The following SUGCT variants were observed in gnomAD, a reference collection of about 807,000 sequenced individuals.
SUGCT encodes succinyl-CoA:glutarate-CoA transferase, also known as succinyl-CoA:glutarate CoA-transferase.
SUGCT carries 41 observed loss-of-function variants against 55.0 expected under a neutral mutation model. That is an observed-to-expected ratio of 0.74 (90% CI 0.58 to 0.97). The LOEUF (loss-of-function observed/expected upper bound fraction) is 0.97, where lower values mean the gene tolerates loss of function less well. Among genes scored for constraint, SUGCT ranks in the 50% least tolerant of loss-of-function variants. The probability of loss-of-function intolerance (pLI) is 0.00; values close to 1 mark genes in which losing one functional copy is unlikely to be tolerated. For missense variants in SUGCT, 568 were observed against 547.8 expected, an observed-to-expected ratio of 1.04 and a Z score of -0.37; for synonymous variants, 187 against 200.4, an observed-to-expected ratio of 0.93 and a Z score of 0.56.
chr7:40,344,373 A>G (rs150349931), intron 9 of SUGCT, among the ~76,000 whole-genome samples: 154 of 152,246 alleles, frequency 1.0e-3, no homozygotes, highest in African/African-American at 3.5e-3. Context: ...TCGATATTGC[A>G]GGGGTGGGCA....
chr7:40,722,908 A>G (rs913928906), intron 12 of SUGCT, among the ~76,000 whole-genome samples: 7 of 152,180 alleles, frequency 4.6e-5, no homozygotes, highest in African/African-American at 1.7e-4. Context: ...ATCATAAACA[A>G]CATCTGTACT....
intron 13 of SUGCT, among the ~76,000 whole-genome samples, chr7:40,789,087 TC>T (rs1335159289): frequency 6.6e-6 from 1 of 152,194 alleles, no homozygotes; most frequent in African/African-American, 2.4e-5. Context: ...GTTAAGCTTT[TC>T]TTTTTAAAAT....
intron 1 of SUGCT, among the ~76,000 whole-genome samples, chr7:40,162,086 C>T (rs147151088): frequency 0.032 from 4,862 of 151,942 alleles, 260 homozygotes; most frequent in African/African-American, 0.11. Context: ...TTAGTAGAGA[C>T]GGGGTTTCAC....
intron 9 of SUGCT, among the ~76,000 whole-genome samples, chr7:40,436,772 G>T (rs971190405): frequency 2.0e-5 from 3 of 152,100 alleles, no homozygotes; most frequent in African/African-American, 7.2e-5. Context: ...ATGGTCCCTT[G>T]TCTAGCATTT....
At chr7:40,788,647 A>T (rs1254888019) in intron 13 of SUGCT, among the ~76,000 whole-genome samples, 1 of 152,226 alleles carries the variant, frequency 6.6e-6, no homozygotes, top group Non-Finnish European at 1.5e-5. Flanking sequence ...TGGGGTCTGC[A>T]TTCAAAGTCC....
chr7:40,826,530 A>C lies in SUGCT; in HGVS notation c.1154-33786A>C, dbSNP rs145584896. 9.1e-4 allele frequency among the ~76,000 whole-genome samples: 139 copies of C among 152,310 alleles called. 3 individuals carry two copies. In the East Asian group the frequency reaches 0.024, roughly 26 times the overall value. The stretch of plus-strand genomic sequence containing the variant: ...GTGGAAGGTATTTGAGTTTGCTATA[A>C]ACATTTTGCAAGCATTGGGTGAAGA... On this transcript the variant is annotated intron_variant, in intron 13 of 13. Transcript: ENST00000335693.
chr7:41,016,162 T>G, the SUGCT span, among the ~76,000 whole-genome samples: 1 of 152,208 alleles, frequency 6.6e-6, no homozygotes, highest in Non-Finnish European at 1.5e-5. Flanking sequence ...ATTTTTCACA[T>G]TAAAGTCACT....
At chr7:40,435,019 C>T (rs1041150161) in intron 9 of SUGCT, among the ~76,000 whole-genome samples, 7 of 152,058 alleles carry the variant, frequency 4.6e-5, no homozygotes, top group African/African-American at 1.4e-4. Context: ...TTCGCCAAGC[C>T]GAAAGATGTT....
At chr7:40,727,968 T>A (rs956788150) in intron 12 of SUGCT, among the ~76,000 whole-genome samples, 1 of 152,210 alleles carries the variant, frequency 6.6e-6, no homozygotes, top group Non-Finnish European at 1.5e-5. Context: ...TTTATTATTC[T>A]AGTTTTAGAC....
At chr7:40,433,613 C>A (rs1339994359) in intron 9 of SUGCT, among the ~76,000 whole-genome samples, 7 of 152,184 alleles carry the variant, frequency 4.6e-5, no homozygotes, top group Admixed American at 4.6e-4. Context: ...AGTAAACCTA[C>A]TGGCTGGCAT....
intron 12 of SUGCT, among the ~76,000 whole-genome samples, chr7:40,645,604 G>A (rs867569778): frequency 2.0e-5 from 3 of 152,072 alleles, no homozygotes; most frequent in South Asian, 4.1e-4. Context: ...TTAAATACAC[G>A]CTCATGGTAG....
intron 12 of SUGCT, among the ~76,000 whole-genome samples, chr7:40,588,229 CT>C (rs113301834): frequency 3.2e-3 from 454 of 142,910 alleles, no homozygotes; most frequent in African/African-American, 5.6e-3. Flanking sequence ...AGAAAATTCT[CT>C]TTTTTTTTTT....
intron 11 of SUGCT, among the ~76,000 whole-genome samples, chr7:40,491,331 G>T (rs996826266): frequency 6.6e-6 from 1 of 152,190 alleles, no homozygotes; most frequent in Non-Finnish European, 1.5e-5. Context: ...GTTACAGTGC[G>T]AATGGAGGAG....
At chr7:40,999,891 A>G in the SUGCT span, among the ~76,000 whole-genome samples, 1 of 152,028 alleles carries the variant, frequency 6.6e-6, no homozygotes, top group Non-Finnish European at 1.5e-5. Context: ...TACTATATCA[A>G]TTTTTTCTTT....
chr7:40,287,752 GC>G (rs1325288724), intron 8 of SUGCT, among the ~76,000 whole-genome samples: 1 of 152,024 alleles, frequency 6.6e-6, no homozygotes, highest in Non-Finnish European at 1.5e-5. Flanking sequence ...TCCTGTCTTG[GC>G]CTCCCAAAGT....
chr7:40,785,215 GAGA>G (rs1789953097), intron 13 of SUGCT: 1 of 152,132 alleles, frequency 6.6e-6, no homozygotes, highest in African/African-American at 2.4e-5. Flanking sequence ...TCCACTCCTG[GAGA>G]AGATGGCTGT....
At chr7:40,733,756 A>T (rs552679947) in intron 12 of SUGCT, among the ~76,000 whole-genome samples, 8 of 152,274 alleles carry the variant, frequency 5.3e-5, no homozygotes. Flanking sequence ...TTGCTTCCTC[A>T]TGGCAGAGGA....
intron 1 of SUGCT, among the ~76,000 whole-genome samples, chr7:40,140,732 T>C (rs559505690): frequency 4.6e-5 from 7 of 152,276 alleles, no homozygotes; most frequent in Non-Finnish European, 5.9e-5. Flanking sequence ...CTATGAGTAT[T>C]ATGCTGTTTT....
At chr7:40,147,027 TCTCTCTGC>T (rs1250429612) in intron 1 of SUGCT, among the ~76,000 whole-genome samples, 2 of 148,594 alleles carry the variant, frequency 1.3e-5, no homozygotes, top group Non-Finnish European at 3.0e-5. Flanking sequence ...TCTTCCTCTT[TCTCTCTGC>T]CTCTCTTTCT....
Sources: gnomAD v4.1 joint callset for allele counts (sites outside exome capture counted in the v4.1 genomes callset) on GRCh38, gnomAD v4.1.1 for gene constraint, MANE v1.5 for transcripts, NCBI Gene and HGNC (gene_info 2026-07-23, HGNC 2026-07-21) for gene names.